ZNF254: variants seen among roughly 807,000 people sequenced by gnomAD.
The protein encoded by ZNF254 is CTD-2017D11.1.
A neutral mutation model predicts 12.4 loss-of-function variants in ZNF254; 10 were observed. The observed-to-expected ratio is 0.80, with a 90% CI of 0.50 to 1.36. The LOEUF (loss-of-function observed/expected upper bound fraction) is 1.36. Among genes scored for constraint, ZNF254 ranks in the 40% most tolerant of loss-of-function variants. The probability of loss-of-function intolerance (pLI) is 0.00; values close to 1 mark genes in which losing one functional copy is unlikely to be tolerated. For synonymous variants in ZNF254, 305 were observed against 253.4 expected (o/e 1.20, Z -1.93); for missense variants, 996 against 763.9 (o/e 1.30, Z -3.58).
intron 1 of ZNF254, among the ~76,000 whole-genome samples, chr19:24,045,451 C>T (rs1417713507): frequency 6.6e-6 from 1 of 151,902 alleles, no homozygotes; most frequent in South Asian, 2.1e-4. Context: ...GGGCGAATCA[C>T]GAGGTCGGGA....
At chr19:24,073,723 C>T (rs55740060) in intron 2 of ZNF254, among the ~76,000 whole-genome samples, 2 of 152,318 alleles carry the variant, frequency 1.3e-5, no homozygotes, top group East Asian at 3.9e-4. Flanking sequence ...TGTGACTCCA[C>T]TAAGGGGACA....
chr19:24,088,964 CTTTTTTT>C (rs74175785), intron 1 of ZNF254, among the ~76,000 whole-genome samples: 78 of 99,288 alleles, frequency 7.9e-4, no homozygotes, highest in Non-Finnish European at 1.1e-3. Context: ...GCCAATTAAT[CTTTTTTT>C]TTTTTTTTTT....
At position 24,106,694 on chromosome 19, in the gene ZNF254, A is replaced by G. The variant is rs561519054; in HGVS notation, c.253+51A>G. 8 of 1,427,444 alleles carry G rather than the reference A, an allele frequency of 5.6e-6. No homozygotes were observed. In the East Asian group the frequency reaches 2.1e-4, roughly 37 times the overall value. 88.4% of individuals were successfully genotyped at this position (1,427,444 alleles called of 1,614,324 possible). ...GACATGGATGAGAGGTCCAAAGTCA[A>G]GAAGAAAGCCACTCTTTAAAGTGAT... is the stretch of plus-strand genomic sequence containing the variant. On this transcript the variant is annotated intron_variant, in intron 3 of 3. Transcript: ENST00000357002.
chr19:24,036,124 C>T (rs1378917256), intron 1 of ZNF254, among the ~76,000 whole-genome samples: 2 of 152,092 alleles, frequency 1.3e-5, no homozygotes, highest in African/African-American at 2.4e-5. Flanking sequence ...TGCAGTGGCG[C>T]GATCTTGGCT....
intron 1 of ZNF254, among the ~76,000 whole-genome samples, chr19:24,103,530 G>T (rs886969989): frequency 3.9e-5 from 6 of 152,084 alleles, no homozygotes; most frequent in African/African-American, 1.4e-4. Context: ...CACAGTTTCT[G>T]TTCTGGGTGA....
rs767405933 is a variant in ZNF254, at chr19:24,127,807, A to G, written c.1807A>G (p.Lys603Glu). ...AATTCATACTGGAGTAAAACCCTAC[A>G]AATGTGAAGAATGTGGCAAAGCATT... is the stretch of plus-strand genomic sequence containing the variant. ...KVIHTGVKPY[K>E]CEECGKAFFW... is the part of the protein sequence containing the mutation. The change falls in exon 4 of 4, where the codon AAA becomes GAA. Residue 603 changes from lysine (K) to glutamate (E), a missense_variant. Transcript: ENST00000357002. 7.4e-6 allele frequency: 12 copies of G among 1,613,060 alleles called. No individual in the cohort carries two copies. The East Asian group carries it at 2.5e-4, about 33-fold the overall frequency.
At position 24,123,995 on chromosome 19, in the gene ZNF254, G is replaced by T. The variant is rs1027683869; in HGVS notation, c.254-2259G>T. Among the ~76,000 whole-genome samples the T allele has an allele frequency of 1.1e-4, 16 of 152,004 alleles. No individual in the cohort carries two copies. In the East Asian group the frequency reaches 3.1e-3, roughly 29 times the overall value. Reference sequence around the variant, plus strand: ...TTTATATATATTGAAATAATTTTCTGAAATAGAAAGACTTACTGTTATTTT... The same window carrying T: ...TTTATATATATTGAAATAATTTTCTTAAATAGAAAGACTTACTGTTATTTT... On this transcript the variant is annotated intron_variant, in intron 3 of 3. Coordinates refer to ENST00000357002, the MANE Select transcript of ZNF254 (RefSeq NM_203282.4).
intron 1 of ZNF254, among the ~76,000 whole-genome samples, chr19:24,037,679 G>A (rs1362778295): frequency 1.3e-5 from 2 of 151,536 alleles, no homozygotes; most frequent in Admixed American, 6.6e-5. Context: ...GTGTGATCTC[G>A]GCTCACCGCA....
chr19:24,077,385 A>G (rs1971695244), intron 2 of ZNF254, among the ~76,000 whole-genome samples: 1 of 152,202 alleles, frequency 6.6e-6, no homozygotes, highest in African/African-American at 2.4e-5. Flanking sequence ...AAATTTATTG[A>G]CACTTGTCTC....
At chr19:24,035,049 A>C (rs993064523) in intron 1 of ZNF254, among the ~76,000 whole-genome samples, 1 of 152,228 alleles carries the variant, frequency 6.6e-6, no homozygotes, top group Non-Finnish European at 1.5e-5. Flanking sequence ...ACTTTCTTTC[A>C]TAAGAAGAAA....
chr19:24,087,151 C>A, upstream of ZNF254: 2 of 894,382 alleles, frequency 2.2e-6, no homozygotes, highest in Non-Finnish European at 3.6e-6. Flanking sequence ...AGGCACACAG[C>A]TGGACTGGAC....
At chr19:24,077,242 C>A (rs1048199898) in intron 2 of ZNF254, among the ~76,000 whole-genome samples, 1 of 152,298 alleles carries the variant, frequency 6.6e-6, no homozygotes, top group South Asian at 2.1e-4. Context: ...ACATCTTAAA[C>A]ATGTTATTGA....
rs1973377221 is a variant in ZNF254 at position 24,106,905 on chromosome 19, G to A, written c.253+262G>A. ...TACTGTTCATGGCATACAAAAGAGTGTACAATCTGACTTCTTTTTTCTTGT... is the reference window on the plus strand; with the variant it reads ...TACTGTTCATGGCATACAAAAGAGTATACAATCTGACTTCTTTTTTCTTGT... On this transcript the variant is annotated intron_variant, in intron 3 of 3. Transcript: ENST00000357002. 11 of 405,984 alleles carry A rather than the reference G, an allele frequency of 2.7e-5. No individual in the cohort carries two copies. In the South Asian group the frequency reaches 4.9e-4, roughly 18 times the overall value. 25.1% of individuals were successfully genotyped at this position (405,984 alleles called of 1,614,324 possible).
upstream of ZNF254, among the ~76,000 whole-genome samples, chr19:24,082,964 C>G (rs903998336): frequency 6.6e-6 from 1 of 152,008 alleles, no homozygotes; most frequent in Non-Finnish European, 1.5e-5. Flanking sequence ...GAAGTCCCAG[C>G]CAGAGCAATT....
At position 24,105,988 on chromosome 19, in the gene ZNF254, T is replaced by G. The variant is rs763905934; in HGVS notation, c.79T>G (p.Trp27Gly). Residue 27 changes from tryptophan (W) to glycine (G), a missense_variant, in exon 2 of 4, where the codon TGG becomes GGG. By Grantham distance (184) the Trp-to-Gly change is radical. Transcript: ENST00000357002. ...GGCCATAGAATTCTCTCTGGAGGAGTGGCAACACCTGGACATTGCACAGCA... is the reference window on the plus strand; with the variant it reads ...GGCCATAGAATTCTCTCTGGAGGAGGGGCAACACCTGGACATTGCACAGCA... ...DVAIEFSLEE[W>G]QHLDIAQQNL... 1.7e-5 allele frequency: 28 copies of G among 1,600,100 alleles called. No individual in the cohort carries two copies. Among genetic ancestry groups the G allele is most frequent in the African/African-American group, 4.0e-5 (3 of 74,598 alleles).
chr19:24,094,991 C>A (rs1302256859), intron 1 of ZNF254, among the ~76,000 whole-genome samples: 1 of 152,142 alleles, frequency 6.6e-6, no homozygotes, highest in African/African-American at 2.4e-5. Context: ...CCGTCCACTT[C>A]CAGGTTTTGT....
intron 1 of ZNF254, among the ~76,000 whole-genome samples, chr19:24,037,713 G>A (rs895181042): frequency 6.6e-6 from 1 of 152,116 alleles, no homozygotes; most frequent in African/African-American, 2.4e-5. Flanking sequence ...AGGTTCAAGC[G>A]ATTCTCCTGC....
intron 2 of ZNF254, among the ~76,000 whole-genome samples, chr19:24,064,882 C>G (rs766048330): frequency 7.9e-5 from 12 of 152,162 alleles, no homozygotes; most frequent in Non-Finnish European, 1.3e-4. Flanking sequence ...TGAGACTTTC[C>G]TGTGTGGGCT....
intron 3 of ZNF254, among the ~76,000 whole-genome samples, chr19:24,111,241 T>A (rs1303903601): frequency 6.6e-6 from 1 of 152,128 alleles, no homozygotes; most frequent in Non-Finnish European, 1.5e-5. Flanking sequence ...CTAAGAATGA[T>A]GATTTCCAGT....
Sources: gnomAD v4.1 joint callset for allele counts (sites outside exome capture counted in the v4.1 genomes callset) on GRCh38, gnomAD v4.1.1 for gene constraint, MANE v1.5 for transcripts, NCBI Gene and HGNC (gene_info 2026-07-23, HGNC 2026-07-21) for gene names.